The following CRISP1 variants were observed in gnomAD, a reference collection of about 807,000 sequenced individuals.
CRISP1 encodes cysteine-rich secretory protein 1.
A neutral mutation model predicts 33.1 loss-of-function variants in CRISP1; 44 were observed. The ratio of observed to expected loss-of-function variants is 1.33; its 90% CI spans 1.05 to 1.71. The LOEUF (loss-of-function observed/expected upper bound fraction) is 1.71, where lower values mean the gene tolerates loss of function less well. Ranked by LOEUF, CRISP1 falls within the 40% of genes most tolerant of loss-of-function variation. CRISP1 has a pLI of 0.00. For synonymous variants in CRISP1, 103 were observed against 98.7 expected, an observed-to-expected ratio of 1.04 and a Z score of -0.26; for missense variants, 390 against 301.2, an observed-to-expected ratio of 1.29 and a Z score of -2.18.
chr6:49,841,381 G>A (rs1405368774), intron 5 of CRISP1, among the ~76,000 whole-genome samples: 1 of 152,142 alleles, frequency 6.6e-6, no homozygotes, highest in Non-Finnish European at 1.5e-5. Flanking sequence ...GAGGGTAAAG[G>A]TCCAAAAGGT....
At position 49,847,325 on chromosome 6, in the gene CRISP1, C is replaced by A. The variant is rs185973517; in HGVS notation, c.287-657G>T. On this transcript the variant is annotated intron_variant, in intron 4 of 7. Coordinates refer to ENST00000335847, the MANE Select transcript of CRISP1 (RefSeq NM_001131.3). ...TCCAAATCTCATGTTGAGATGTAAT[C>A]CCCGTGTTGAAGGTGGGGCCTGACC... Among the ~76,000 whole-genome samples the A allele has an allele frequency of 4.4e-4, 67 of 152,208 alleles. 1 individual carries two copies. In the East Asian group the frequency reaches 0.013, roughly 29 times the overall value.
intron 3 of CRISP1, among the ~76,000 whole-genome samples, chr6:49,850,413 T>G (rs1029012799): frequency 6.6e-6 from 1 of 152,150 alleles, no homozygotes; most frequent in African/African-American, 2.4e-5. Flanking sequence ...AAATTAAAGT[T>G]TGTATTTATG....
At chr6:49,852,152 T>C (rs1771367475) in intron 2 of CRISP1, 23 bp from the exon 3 acceptor site, 2 of 1,604,690 alleles carry the variant, frequency 1.2e-6, no homozygotes, top group African/African-American at 1.3e-5. Context: ...AAATATTAAT[T>C]AGTGTTACTT....
At chr6:49,849,300 G>A (rs1771278543) in intron 3 of CRISP1, among the ~76,000 whole-genome samples, 1 of 152,162 alleles carries the variant, frequency 6.6e-6, no homozygotes, top group Non-Finnish European at 1.5e-5. Flanking sequence ...GGCCCCGCAG[G>A]TGGTAGCAGG....
chr6:49,876,471 G>C (rs1373911547), intron 1 of CRISP1, among the ~76,000 whole-genome samples: 3 of 152,028 alleles, frequency 2.0e-5, no homozygotes, highest in Non-Finnish European at 4.4e-5. Context: ...GTGGAAGACA[G>C]TGTGAAAATT....
intron 2 of CRISP1, among the ~76,000 whole-genome samples, chr6:49,853,468 T>C (rs1359451378): frequency 6.6e-6 from 1 of 152,176 alleles, no homozygotes; most frequent in Non-Finnish European, 1.5e-5. Flanking sequence ...CCCTTTGATG[T>C]CTCAGGCCCT....
intron 6 of CRISP1, among the ~76,000 whole-genome samples, chr6:49,840,572 C>T (rs1016277497): frequency 1.1e-4 from 16 of 151,992 alleles, no homozygotes; most frequent in Non-Finnish European, 1.5e-4. Flanking sequence ...ATAATAATTA[C>T]CTGAAGAATC....
chr6:49,836,766 TA>T (rs1770811883), intron 7 of CRISP1, among the ~76,000 whole-genome samples: 1 of 152,218 alleles, frequency 6.6e-6, no homozygotes, highest in Non-Finnish European at 1.5e-5. Context: ...GGAGAATAAC[TA>T]CAGTAGATTT....
At chr6:49,842,457 A>G (rs1771023677) in intron 5 of CRISP1, among the ~76,000 whole-genome samples, 1 of 152,170 alleles carries the variant, frequency 6.6e-6, no homozygotes, top group South Asian at 2.1e-4. Flanking sequence ...AACTTTTTTC[A>G]TTAGGTCTTC....
upstream of CRISP1, among the ~76,000 whole-genome samples, chr6:49,868,521 T>C (rs1208539090): frequency 6.6e-6 from 1 of 152,184 alleles, no homozygotes; most frequent in African/African-American, 2.4e-5. Flanking sequence ...TACTCAGAGA[T>C]TGGCTAACAA....
intron 1 of CRISP1, among the ~76,000 whole-genome samples, chr6:49,860,377 C>G (rs1475198529): frequency 6.6e-6 from 1 of 152,036 alleles, no homozygotes; most frequent in Non-Finnish European, 1.5e-5. Flanking sequence ...CAAAACAAAA[C>G]AAGTCTCAAC....
upstream of CRISP1, among the ~76,000 whole-genome samples, chr6:49,869,926 T>C (rs2127479307): frequency 6.6e-6 from 1 of 152,310 alleles, no homozygotes; most frequent in Non-Finnish European, 1.5e-5. Context: ...AGGGAGTGCC[T>C]GTGCCGTTTT....
chr6:49,872,620 G>A (rs1345367463), intron 1 of CRISP1, among the ~76,000 whole-genome samples: 4 of 152,028 alleles, frequency 2.6e-5, no homozygotes, highest in Non-Finnish European at 4.4e-5. Flanking sequence ...TCTACATATG[G>A]CTAGCCAGTT....
In CRISP1 at chr6:49,873,333, C is replaced by T. The variant is rs540213547; in HGVS notation, c.-3+3676G>A. On this transcript the variant is annotated intron_variant, in intron 1 of 7. Coordinates refer to the CRISP1 transcript ENST00000505118. Reference sequence around the variant, plus strand: ...GAAACTCGTGAGTAAAATTGCAGATCTCAGGAAATGTTGCTTAATTTTTAA... The same window carrying T: ...GAAACTCGTGAGTAAAATTGCAGATTTCAGGAAATGTTGCTTAATTTTTAA... 3.9e-5 allele frequency among the ~76,000 whole-genome samples: 6 copies of T among 152,088 alleles called. No homozygotes were observed. The South Asian group carries it at 1.2e-3, about 32-fold the overall frequency.
At chr6:49,840,242 T>C (rs1770939276) in intron 6 of CRISP1, among the ~76,000 whole-genome samples, 1 of 152,210 alleles carries the variant, frequency 6.6e-6, no homozygotes, top group South Asian at 2.1e-4. Flanking sequence ...ATCCTTGTCT[T>C]ACTTGATCTT....
chr6:49,861,574 C>A (rs558480620), intron 1 of CRISP1, among the ~76,000 whole-genome samples: 1 of 152,148 alleles, frequency 6.6e-6, no homozygotes, highest in Non-Finnish European at 1.5e-5. Context: ...AAACTCTCAA[C>A]AAACTAAGAA....
chr6:49,838,365 C>T (rs1582254096), intron 7 of CRISP1, 72 bp downstream of exon 7: 3 of 1,095,314 alleles, frequency 2.7e-6, no homozygotes, highest in Admixed American at 2.2e-5. Context: ...TTTTTTAATG[C>T]TTAATTTAAA....
intron 7 of CRISP1, among the ~76,000 whole-genome samples, chr6:49,835,658 G>A (rs1415523663): frequency 6.6e-6 from 1 of 152,120 alleles, no homozygotes; most frequent in African/African-American, 2.4e-5. Flanking sequence ...TGTAAAACAA[G>A]TTTTTATCAC....
intron 3 of CRISP1, among the ~76,000 whole-genome samples, chr6:49,849,055 T>C (rs1156635751): frequency 6.6e-6 from 1 of 152,166 alleles, no homozygotes; most frequent in Admixed American, 6.5e-5. Flanking sequence ...TGACTCTCAG[T>C]GTGCATCAAC....
Sources: gnomAD v4.1 joint callset for allele counts (sites outside exome capture counted in the v4.1 genomes callset) on GRCh38, gnomAD v4.1.1 for gene constraint, MANE v1.5 for transcripts, NCBI Gene and HGNC (gene_info 2026-07-23, HGNC 2026-07-21) for gene names.